HHAT: variants seen among roughly 807,000 people sequenced by gnomAD.
HHAT encodes the protein protein-cysteine N-palmitoyltransferase HHAT.
In HHAT, 47 loss-of-function variants were observed where a neutral mutation model predicts 70.8. The observed-to-expected ratio is 0.66, with a 90% confidence interval of 0.53 to 0.85. The LOEUF (loss-of-function observed/expected upper bound fraction) is 0.85. Ranked by LOEUF, HHAT falls within the 40% of genes least tolerant of loss-of-function variation. The pLI, the probability that HHAT is intolerant of heterozygous loss-of-function variation, is 0.00. For synonymous variants in HHAT, 228 were observed against 247.6 expected (o/e 0.92, Z 0.74); for missense variants, 609 against 604.8 (o/e 1.01, Z -0.07).
At chr1:210,374,243 A>T (rs949183512) in intron 3 of HHAT, 1 of 147,088 alleles carries the variant, frequency 6.8e-6, no homozygotes, top group Non-Finnish European at 1.5e-5. Flanking sequence ...CGAAAGATTT[A>T]TTCGATCTGA....
rs2094157240 is a variant in HHAT at position 210,469,172 on chromosome 1, A to G, written c.1007+4517A>G. ...ATGGGACTGGCTGATGAAAGGCTCA[A>G]TTTCAGCTCTGCACCGGAGATGTGA... On this transcript the variant is annotated intron_variant, in intron 8 of 11. Coordinates refer to ENST00000261458, the MANE Select transcript of HHAT (RefSeq NM_018194.6). Among the ~76,000 whole-genome samples, 3 of 152,130 alleles carry G rather than the reference A, an allele frequency of 2.0e-5. No individual in the cohort carries two copies. In the South Asian group the frequency reaches 6.2e-4, roughly 32 times the overall value.
intron 9 of HHAT, among the ~76,000 whole-genome samples, chr1:210,544,819 T>G (rs1342755366): frequency 6.6e-6 from 1 of 152,226 alleles, no homozygotes; most frequent in Non-Finnish European, 1.5e-5. Flanking sequence ...GTAGTTGTTA[T>G]GTCAGTAAAT....
Position 210,358,634 on chromosome 1 carries a change from A to G in HHAT, c.92-4218A>G, listed in dbSNP as rs371439493. Among the ~76,000 whole-genome samples the G allele has an allele frequency of 5.3e-5, 8 of 152,140 alleles. No individual in the cohort carries two copies. In the East Asian group the frequency reaches 5.8e-4, roughly 11 times the overall value. ...CCATTCTCAATGACTACCACAGTCTATTGTACTCATGGCTTCCTGGAGAAA... is the reference window on the plus strand; with the variant it reads ...CCATTCTCAATGACTACCACAGTCTGTTGTACTCATGGCTTCCTGGAGAAA... On this transcript the variant is annotated intron_variant, in intron 2 of 11. Transcript: ENST00000261458.
At chr1:210,495,461 A>G (rs1017610515) in intron 8 of HHAT, among the ~76,000 whole-genome samples, 1 of 152,186 alleles carries the variant, frequency 6.6e-6, no homozygotes, top group Non-Finnish European at 1.5e-5. Context: ...TTTTTGACTC[A>G]TCGGGAAAGT....
intron 7 of HHAT, among the ~76,000 whole-genome samples, chr1:210,424,137 T>A (rs759197668): frequency 6.6e-6 from 1 of 152,188 alleles, no homozygotes; most frequent in Non-Finnish European, 1.5e-5. Flanking sequence ...AGTAGTATTG[T>A]CATTTTAACA....
chr1:210,500,079 A>G (rs2094724776), intron 8 of HHAT, among the ~76,000 whole-genome samples: 1 of 152,208 alleles, frequency 6.6e-6, no homozygotes, highest in Admixed American at 6.5e-5. Flanking sequence ...CATTCCAGTT[A>G]AGCAACTTTT....
chr1:210,449,218 C>G (rs911223413), intron 7 of HHAT, among the ~76,000 whole-genome samples: 1 of 151,950 alleles, frequency 6.6e-6, no homozygotes, highest in Non-Finnish European at 1.5e-5. Context: ...GCTGTTCTGT[C>G]TTCTCTATCT....
At chr1:210,548,530 G>A (rs12130516) in intron 9 of HHAT, among the ~76,000 whole-genome samples, 18,413 of 152,256 alleles carry the variant, frequency 0.12, 1,387 homozygotes, top group Non-Finnish European at 0.17. Context: ...TCATGAGGCA[G>A]GTGGTAAAGA....
intron 10 of HHAT, among the ~76,000 whole-genome samples, chr1:210,619,621 C>T (rs1052748012): frequency 6.0e-4 from 92 of 152,234 alleles, no homozygotes; most frequent in East Asian, 3.9e-4. Context: ...TTGGGCAGGA[C>T]GGCTCCGTCC....
intron 8 of HHAT, among the ~76,000 whole-genome samples, chr1:210,468,975 T>G (rs954359900): frequency 6.6e-6 from 1 of 152,176 alleles, no homozygotes; most frequent in African/African-American, 2.4e-5. Context: ...AGGAGAATAC[T>G]ACTACTTTGC....
At chr1:210,459,731 C>G (rs558407912) in intron 7 of HHAT, among the ~76,000 whole-genome samples, 2 of 152,224 alleles carry the variant, frequency 1.3e-5, no homozygotes, top group Non-Finnish European at 2.9e-5. Context: ...TCACCCTGTT[C>G]TACAGTTTTG....
chr1:210,373,623 G>A (rs2089778784), intron 3 of HHAT, among the ~76,000 whole-genome samples: 1 of 152,150 alleles, frequency 6.6e-6, no homozygotes, highest in South Asian at 2.1e-4. Flanking sequence ...TTTAATGAAA[G>A]CAAAGCTCAG....
chr1:210,409,922 T>C (rs904924223), intron 6 of HHAT, among the ~76,000 whole-genome samples: 15 of 152,136 alleles, frequency 9.9e-5, no homozygotes, highest in Admixed American at 9.8e-4. Context: ...GGTCTAAAGG[T>C]TTGGCAGTCC....
intron 4 of HHAT, among the ~76,000 whole-genome samples, chr1:210,388,162 T>C (rs568012107): frequency 2.8e-4 from 43 of 152,348 alleles, no homozygotes; most frequent in African/African-American, 7.9e-4. Flanking sequence ...TTCTGTCACC[T>C]GGGGGCCAGG....
chr1:210,347,946 A>G (rs74647819), intron 1 of HHAT, among the ~76,000 whole-genome samples: 2,071 of 152,326 alleles, frequency 0.014, 60 homozygotes, highest in African/African-American at 0.047. Flanking sequence ...GCTACAGTGT[A>G]GTGTTGGTGT....
At chr1:210,402,460 A>G (rs1249020930) in intron 5 of HHAT, among the ~76,000 whole-genome samples, 1 of 152,062 alleles carries the variant, frequency 6.6e-6, no homozygotes, top group African/African-American at 2.4e-5. Context: ...CTTGGAACCA[A>G]CCTTCTCATC....
At chr1:210,635,583 A>G (rs1168116208) in intron 11 of HHAT, among the ~76,000 whole-genome samples, 1 of 152,214 alleles carries the variant, frequency 6.6e-6, no homozygotes, top group Non-Finnish European at 1.5e-5. Flanking sequence ...GAAAAGATGG[A>G]AGAAGAAATC....
chr1:210,464,609 C>T lies in HHAT; in HGVS notation c.961C>T (p.Leu321Phe), dbSNP rs534915659. 256 of 1,614,206 alleles carry T rather than the reference C, an allele frequency of 1.6e-4. 2 individuals are homozygous for T. In the South Asian group the frequency reaches 2.7e-3, roughly 17 times the overall value. The change falls in exon 8 of 12, where the codon CTC (leucine) becomes TTC (phenylalanine). Residue 321 changes from leucine (L) to phenylalanine (F), a missense_variant. Leu to Phe is a conservative substitution (Grantham distance 22). Coordinates refer to ENST00000261458, the MANE Select transcript of HHAT (RefSeq NM_018194.6). The part of the protein sequence containing the change: ...MRLDGLTPPA[L>F]PRCVSTMFSF... ...CCTGGATGGACTCACTCCACCCGCC[C>T]TCCCCCGCTGCGTGAGCACCATGTT...
At chr1:210,439,421 C>A (rs1179574480) in intron 7 of HHAT, among the ~76,000 whole-genome samples, 1 of 151,828 alleles carries the variant, frequency 6.6e-6, no homozygotes, top group African/African-American at 2.4e-5. Flanking sequence ...TTTCCAAACT[C>A]ATACAGTCAG....
Sources: allele counts gnomAD v4.1 joint callset (sites outside exome capture counted in the v4.1 genomes callset), GRCh38; gene constraint gnomAD v4.1.1; transcripts MANE v1.5; gene names NCBI Gene and HGNC (gene_info 2026-07-23, HGNC 2026-07-21).